The following MPPE1 variants were observed in gnomAD, a reference collection of about 807,000 sequenced individuals.
MPPE1 encodes metallo phosphoesterase.
MPPE1 carries 28 observed loss-of-function variants against 43.8 expected under a neutral mutation model. The ratio of observed to expected loss-of-function variants is 0.64; its 90% CI spans 0.47 to 0.88. The LOEUF is 0.88. Among genes scored for constraint, MPPE1 ranks in the 40% least tolerant of loss-of-function variants. The pLI is 0.00. For synonymous variants in MPPE1, 159 were observed against 188.5 expected (o/e 0.84, Z 1.28); for missense variants, 428 against 492.2 (o/e 0.87, Z 1.23).
chr18:11,891,774 T>G (rs1172722497), intron 4 of MPPE1, among the ~76,000 whole-genome samples: 3 of 152,126 alleles, frequency 2.0e-5, no homozygotes, highest in Non-Finnish European at 4.4e-5. Context: ...TGTGGGGTTT[T>G]TTTTGTTTTG....
chr18:11,898,139 G>T (rs1477124600), intron 2 of MPPE1, among the ~76,000 whole-genome samples: 3 of 152,210 alleles, frequency 2.0e-5, no homozygotes, highest in Non-Finnish European at 4.4e-5. Context: ...TGTGATCTGG[G>T]CTCACTGCAA....
chr18:11,903,714 G>A (rs1358666623), intron 2 of MPPE1, among the ~76,000 whole-genome samples: 1 of 152,202 alleles, frequency 6.6e-6, no homozygotes, highest in African/African-American at 2.4e-5. Context: ...GCTGAGGCAG[G>A]AGAATGGCGT....
At chr18:11,899,157 C>T (rs1284306556) in intron 2 of MPPE1, among the ~76,000 whole-genome samples, 5 of 152,076 alleles carry the variant, frequency 3.3e-5, no homozygotes, top group Non-Finnish European at 7.3e-5. Flanking sequence ...TCAAGTGATT[C>T]ACCCGCCTCA....
intron 6 of MPPE1, among the ~76,000 whole-genome samples, chr18:11,888,356 G>C (rs1330403327): frequency 1.3e-5 from 2 of 152,182 alleles, no homozygotes; most frequent in Non-Finnish European, 1.5e-5. Flanking sequence ...TTACAAAGTG[G>C]GCTGATGAAA....
At chr18:11,889,996 G>A (rs565508730) in intron 4 of MPPE1, among the ~76,000 whole-genome samples, 14 of 151,202 alleles carry the variant, frequency 9.3e-5, no homozygotes, top group East Asian at 2.0e-4. Context: ...AGGCTGGAGT[G>A]CAGTGGCACG....
chr18:11,902,844 T>C (rs671612), intron 2 of MPPE1: 48,958 of 152,048 alleles, frequency 0.32, 10,157 homozygotes, highest in African/African-American at 0.58. Flanking sequence ...AAAACTGCAG[T>C]CCTCCAGCTT....
intron 4 of MPPE1, among the ~76,000 whole-genome samples, chr18:11,891,906 C>T (rs2038034740): frequency 1.3e-5 from 2 of 152,168 alleles, no homozygotes; most frequent in South Asian, 4.1e-4. Flanking sequence ...CCTTGACCTC[C>T]CAGGCTCAAG....
At chr18:11,889,885 T>C (rs200433421) in intron 4 of MPPE1, among the ~76,000 whole-genome samples, 1 of 151,090 alleles carries the variant, frequency 6.6e-6, no homozygotes, top group Admixed American at 6.6e-5. Context: ...GATCCCTATT[T>C]TGATGTGAGA....
chr18:11,885,210 G>C (rs937623008), intron 10 of MPPE1: 4 of 389,678 alleles, frequency 1.0e-5, no homozygotes, highest in African/African-American at 6.6e-5. Flanking sequence ...TCATGAGCTG[G>C]ATGCAGGAGC....
rs202109190 is a variant in MPPE1 at position 11,887,002 on chromosome 18, G to A, written c.593C>T (p.Ala198Val). The change falls in exon 7 of 11, where the codon GCG becomes GTG. Residue 198 changes from alanine (A) to valine (V), a missense_variant. Around this residue, in one of 3 missense-constraint regions of MPPE1, gnomAD observed 379 missense variants for 402.5 expected, o/e 0.94. Coordinates refer to ENST00000588072, the MANE Select transcript of MPPE1 (RefSeq NM_023075.6). ...GATGCCACAGCCATCCCCGTTCAGC[G>A]CCACGCTGTTGACCATCACAAAGCT... ...GINFVMVNSV[A>V]LNGDGCGICS... is the part of the protein sequence containing the mutation. 234 of 1,613,388 alleles carry A rather than the reference G, an allele frequency of 1.5e-4. 3 individuals carry two copies. The South Asian group carries it at 2.2e-3, about 15-fold the overall frequency.
intron 1 of MPPE1, among the ~76,000 whole-genome samples, chr18:11,906,667 C>A (rs908437829): frequency 6.6e-6 from 1 of 151,904 alleles, no homozygotes; most frequent in African/African-American, 2.4e-5. Context: ...ACCAGCCTGA[C>A]CAACATGGAG....
intron 4 of MPPE1, chr18:11,892,997 ATC>A (rs1182099095): frequency 6.4e-6 from 1 of 155,332 alleles, no homozygotes; most frequent in African/African-American, 2.4e-5. Flanking sequence ...CTCCTTCTGC[ATC>A]TCTCATTCAG....
intron 6 of MPPE1, among the ~76,000 whole-genome samples, chr18:11,888,232 A>G (rs972951810): frequency 7.9e-5 from 12 of 152,238 alleles, no homozygotes; most frequent in African/African-American, 2.9e-4. Flanking sequence ...GCACAGAGCT[A>G]CAGAGGAACT....
Position 11,885,778 on chromosome 18 carries a change from G to A in MPPE1, c.906C>T (p.Gly302=). The part of the protein sequence containing the change: ...WWLQPRLVLS[G]HTHSACEVHH... ...GCACCTCGCAGGCGCTGTGCGTGTG[G>A]CCACTGAGAACCAGGCGCGGCTGGA... The change falls in exon 10 of 11, where the codon GGC becomes GGT. Residue 302 remains glycine, a synonymous_variant. Coordinates refer to ENST00000588072, the MANE Select transcript of MPPE1 (RefSeq NM_023075.6). The A allele has an allele frequency of 1.9e-6, 3 of 1,612,962 alleles. No homozygotes were observed. The highest frequency in any genetic ancestry group is 2.5e-6 in the Non-Finnish European group (3 of 1,179,190).
rs140816865 is a variant in MPPE1, at chr18:11,899,162, G to A, written c.-92-1806C>T. 5.3e-5 allele frequency among the ~76,000 whole-genome samples: 8 copies of A among 152,134 alleles called. No homozygotes were observed. The South Asian group carries it at 6.2e-4, about 12-fold the overall frequency. Reference sequence around the variant, plus strand: ...ACTCCTGAGCTCAAGTGATTCACCCGCCTCAGCTTCCCAAAGTGCTAGGAT... The same window carrying A: ...ACTCCTGAGCTCAAGTGATTCACCCACCTCAGCTTCCCAAAGTGCTAGGAT... On this transcript the variant is annotated intron_variant, in intron 2 of 10. Transcript: ENST00000588072.
Position 11,889,502 on chromosome 18 carries a change from A to G in MPPE1, c.391-12T>C. ...TCATCCGCCCAGGCCTGAGGGAAAA[A>G]GAATCACTGCTGAGAGCCAGAGAAC... On this transcript the variant is annotated splice_polypyrimidine_tract_variant and intron_variant, in intron 4 of 10. Coordinates refer to ENST00000588072, the MANE Select transcript of MPPE1 (RefSeq NM_023075.6). 3 of 1,595,476 alleles carry G rather than the reference A, an allele frequency of 1.9e-6. No homozygotes were observed. The highest frequency in any genetic ancestry group is 2.6e-6 in the Non-Finnish European group (3 of 1,166,738).
rs1295596856 is a variant in MPPE1, at chr18:11,885,436, A to G, written c.1008+240T>C. Reference sequence around the variant, plus strand: ...GAGGATACGGCCCTCCCTGAAGGATAAAGTCCACCTGGACGGTGCCCTGCC... The same window carrying G: ...GAGGATACGGCCCTCCCTGAAGGATGAAGTCCACCTGGACGGTGCCCTGCC... On this transcript the variant is annotated intron_variant, in intron 10 of 10. Coordinates refer to ENST00000588072, the MANE Select transcript of MPPE1 (RefSeq NM_023075.6). 9 of 529,924 alleles carry G rather than the reference A, an allele frequency of 1.7e-5. No homozygotes were observed. The Admixed American group carries it at 2.4e-4, about 14-fold the overall frequency. The allele number at this position is 529,924 out of a possible 1,614,324, so 32.8% of individuals were successfully genotyped here. A position where few individuals can be genotyped will look rare whatever the true frequency, so the allele number is the denominator to read the frequency against.
Position 11,886,762 on chromosome 18 carries a change from C to A in MPPE1, c.695G>T (p.Arg232Leu). The change falls in exon 8 of 11, where the codon CGG (arginine) becomes CTG (leucine). Residue 232 changes from arginine to leucine, a missense_variant. Arg to Leu is a moderately radical substitution (Grantham distance 102, BLOSUM62 -2). Transcript: ENST00000588072. The surrounding 1 kb of genome is among the most constrained non-coding windows in gnomAD (Gnocchi z 4.1). ...NCSREARGSSRCGPGPLLPTS... is the reference protein window; with the variant it reads ...NCSREARGSSLCGPGPLLPTS... ...GGGCAGCAGAGGCCCAGGTCCACAC[C>A]GGCTGGAGCCACGTGCCTGCTGGGT... 1.2e-6 allele frequency: 2 copies of A among 1,613,010 alleles called. No homozygotes were observed. Among genetic ancestry groups the A allele is most frequent in the Non-Finnish European group, 1.7e-6 (2 of 1,179,818 alleles).
chr18:11,907,033 T>C (rs942209076), intron 1 of MPPE1, among the ~76,000 whole-genome samples: 2 of 152,150 alleles, frequency 1.3e-5, no homozygotes, highest in Non-Finnish European at 2.9e-5. Context: ...TTGTTTTAGG[T>C]TGTTTTAAGC....
Sources: gnomAD v4.1 joint callset for allele counts (sites outside exome capture counted in the v4.1 genomes callset) on GRCh38, gnomAD v4.1.1 for gene constraint, gnomAD v4.1.1 regional missense constraint, Gnocchi (gnomAD v3.1) non-coding constraint, MANE v1.5 for transcripts, NCBI Gene and HGNC (gene_info 2026-07-23, HGNC 2026-07-21) for gene names.